SOX5: variants seen among roughly 807,000 people sequenced by gnomAD.
SOX5 encodes the protein SRY-box transcription factor 5, also known as transcription factor SOX-5.
SOX5 carries 9 observed loss-of-function variants against 92.0 expected under a neutral mutation model. The ratio of observed to expected loss-of-function variants is 0.10; its 90% CI spans 0.06 to 0.17. The LOEUF is 0.17. Among genes scored for constraint, SOX5 ranks in the 10% least tolerant of loss-of-function variants. The pLI is 1.00. For missense variants in SOX5, 642 were observed against 944.5 expected (o/e 0.68, Z 4.20); for synonymous variants, 344 against 336.3 (o/e 1.02, Z -0.25).
intron 1 of SOX5, among the ~76,000 whole-genome samples, chr12:24,465,669 A>G (rs1052150554): frequency 1.3e-5 from 2 of 152,338 alleles, no homozygotes; most frequent in Admixed American, 1.3e-4. Flanking sequence ...CTCAGAAGTG[A>G]AGGAAAACCT....
chr12:24,468,469 T>C (rs1944455017), intron 1 of SOX5, among the ~76,000 whole-genome samples: 1 of 152,188 alleles, frequency 6.6e-6, no homozygotes, highest in South Asian at 2.1e-4. Context: ...TGTGACTATC[T>C]ACTGGGATTC....
At chr12:23,736,019 A>C (rs760904721) in intron 5 of SOX5, among the ~76,000 whole-genome samples, 6 of 152,318 alleles carry the variant, frequency 3.9e-5, no homozygotes, top group African/African-American at 1.4e-4. Flanking sequence ...ATAAGAGTGC[A>C]TGAATAGATG....
chr12:23,653,833 C>T (rs2081987685), intron 7 of SOX5, among the ~76,000 whole-genome samples: 1 of 151,998 alleles, frequency 6.6e-6, no homozygotes, highest in Admixed American at 6.6e-5. Context: ...CATAGCAATC[C>T]CATTCTCCCC....
intron 11 of SOX5, among the ~76,000 whole-genome samples, chr12:23,561,588 C>T (rs545819053): frequency 2.2e-4 from 33 of 152,230 alleles, no homozygotes; most frequent in African/African-American, 7.5e-4. Context: ...CTAAACAGCA[C>T]GCTGCTTAGG....
intron 2 of SOX5, among the ~76,000 whole-genome samples, chr12:24,322,093 T>A (rs1950255555): frequency 6.6e-6 from 1 of 152,168 alleles, no homozygotes; most frequent in African/African-American, 2.4e-5. Flanking sequence ...TTGATTCCCA[T>A]CTGTCAACTA....
In SOX5 at chr12:23,673,944, C is replaced by A. The variant is rs531116092; in HGVS notation, c.811-8380G>T. Among the ~76,000 whole-genome samples, 13 of 151,940 alleles carry A rather than the reference C, an allele frequency of 8.6e-5. No homozygotes were observed. The East Asian group carries it at 2.5e-3, about 29-fold the overall frequency. ...ATTACATCTCAATTTAAAAAAAAAC[C>A]ATAGCAAGTAAAAAACAACTTACAA... On this transcript the variant is annotated intron_variant, in intron 6 of 14. Transcript: ENST00000451604.
At chr12:24,300,688 A>G (rs777617473) in intron 2 of SOX5, among the ~76,000 whole-genome samples, 12 of 152,176 alleles carry the variant, frequency 7.9e-5, no homozygotes, top group Non-Finnish European at 1.8e-4. Flanking sequence ...TTAAATTTTC[A>G]TACTTTGAGT....
intron 4 of SOX5, among the ~76,000 whole-genome samples, chr12:24,197,308 A>T (rs1957099048): frequency 6.6e-6 from 1 of 152,194 alleles, no homozygotes; most frequent in Non-Finnish European, 1.5e-5. Flanking sequence ...CAGTCAAGAG[A>T]TATATGATGT....
rs1265490888 is a variant in SOX5, at chr12:24,055,755, A to G, written c.-2+157588T>C. ...ATTTTAAACAATGAAAAGAAAAAAAAGTACAATGACATTTTAAACAATGAA... is the reference window on the plus strand; with the variant it reads ...ATTTTAAACAATGAAAAGAAAAAAAGGTACAATGACATTTTAAACAATGAA... On this transcript the variant is annotated intron_variant, in intron 4 of 4. Transcript: ENST00000446891. 2.0e-5 allele frequency among the ~76,000 whole-genome samples: 3 copies of G among 152,250 alleles called. No homozygotes were observed. In the East Asian group the frequency reaches 5.8e-4, roughly 29 times the overall value.
chr12:23,625,246 T>C (rs2077621514), intron 8 of SOX5, among the ~76,000 whole-genome samples: 1 of 152,222 alleles, frequency 6.6e-6, no homozygotes. Flanking sequence ...CGTTTTTCCT[T>C]GCCAAGAGAA....
intron 3 of SOX5, among the ~76,000 whole-genome samples, chr12:23,845,253 C>T (rs1220587745): frequency 2.0e-5 from 3 of 152,090 alleles, no homozygotes; most frequent in Admixed American, 2.0e-4. Context: ...AGTATGGCAC[C>T]CATGCTTAGG....
intron 4 of SOX5, among the ~76,000 whole-genome samples, chr12:23,986,395 T>C (rs1950066514): frequency 6.6e-6 from 1 of 152,146 alleles, no homozygotes; most frequent in Non-Finnish European, 1.5e-5. Context: ...AGTAGGTATC[T>C]TGTCAGAAAA....
chr12:24,146,219 G>A (rs181068066), intron 4 of SOX5, among the ~76,000 whole-genome samples: 1 of 152,010 alleles, frequency 6.6e-6, no homozygotes. Context: ...TATTTACAGA[G>A]TCCATATTTA....
intron 2 of SOX5, among the ~76,000 whole-genome samples, chr12:24,288,451 C>T (rs1946183992): frequency 6.6e-6 from 1 of 152,178 alleles, no homozygotes; most frequent in Non-Finnish European, 1.5e-5. Context: ...TAGACAGTCA[C>T]TAATTCCACA....
intron 2 of SOX5, among the ~76,000 whole-genome samples, chr12:24,300,687 C>CTTAA (rs1244252415): frequency 6.6e-6 from 1 of 152,178 alleles, no homozygotes; most frequent in Non-Finnish European, 1.5e-5. Context: ...CTTAAATTTT[C>CTTAA]ATACTTTGAG....
At chr12:23,542,805 T>C (rs1942366887) in intron 13 of SOX5, among the ~76,000 whole-genome samples, 1 of 152,130 alleles carries the variant, frequency 6.6e-6, no homozygotes, top group Non-Finnish European at 1.5e-5. Flanking sequence ...TATCCTTCTG[T>C]TACAGAGGAT....
chr12:24,183,178 A>G (rs1343408502), intron 4 of SOX5, among the ~76,000 whole-genome samples: 2 of 152,218 alleles, frequency 1.3e-5, no homozygotes, highest in African/African-American at 4.8e-5. Flanking sequence ...TAGATTATGT[A>G]TTCCTCTAAG....
rs557323771 is a variant in SOX5, at chr12:24,475,619, A to ACACT, written c.-251+86706_-251+86709dup. ...ATGAGTACCCAGCAAGAGCTAGACT[A>ACACT]CACTTCATAAAGTACAGAAATTGAT... On this transcript the variant is annotated intron_variant, in intron 1 of 4. Coordinates refer to the SOX5 transcript ENST00000446891. Among the ~76,000 whole-genome samples, 276 of 152,342 alleles carry ACACT rather than the reference A, an allele frequency of 1.8e-3. 1 individual carries two copies. Among genetic ancestry groups the ACACT allele is most frequent in the South Asian group, 0.016 (75 of 4,830 alleles).
intron 4 of SOX5, among the ~76,000 whole-genome samples, chr12:24,150,592 A>G (rs1951558464): frequency 6.6e-6 from 1 of 152,180 alleles, no homozygotes; most frequent in African/African-American, 2.4e-5. Context: ...AGAACCGGCA[A>G]GATAATCATC....
Sources: gnomAD v4.1 joint callset for allele counts (sites outside exome capture counted in the v4.1 genomes callset) on GRCh38, gnomAD v4.1.1 for gene constraint, MANE v1.5 for transcripts, NCBI Gene and HGNC (gene_info 2026-07-23, HGNC 2026-07-21) for gene names.